Variants in ITPR2 observed in about 807,000 individuals in gnomAD.
ITPR2 encodes the protein inositol 1,4,5-trisphosphate-gated calcium channel ITPR2.
A neutral mutation model predicts 317.1 loss-of-function variants in ITPR2; 207 were observed. The observed-to-expected ratio is 0.65, with a 90% CI of 0.58 to 0.73. The LOEUF (loss-of-function observed/expected upper bound fraction) is 0.73, where lower values mean the gene tolerates loss of function less well. Among genes scored for constraint, ITPR2 ranks in the 30% least tolerant of loss-of-function variants. The probability of loss-of-function intolerance (pLI) is 0.00; values close to 1 mark genes in which losing one functional copy is unlikely to be tolerated. For synonymous variants in ITPR2, 1,156 were observed against 1,149.1 expected (o/e 1.01, Z -0.12); for missense variants, 2,613 against 3,284.0 (o/e 0.80, Z 4.99).
intron 1 of ITPR2, among the ~76,000 whole-genome samples, chr12:26,830,690 G>T (rs962518976): frequency 1.3e-5 from 2 of 152,180 alleles, no homozygotes; most frequent in African/African-American, 4.8e-5. Flanking sequence ...GCATACATTT[G>T]CTGAATTAGA....
chr12:26,687,385 A>C (rs1948147462), intron 10 of ITPR2, among the ~76,000 whole-genome samples: 1 of 152,192 alleles, frequency 6.6e-6, no homozygotes, highest in Non-Finnish European at 1.5e-5. Context: ...ATAGTGACTT[A>C]CACATATTTA....
At chr12:26,541,212 G>A (rs1229542573) in intron 37 of ITPR2, among the ~76,000 whole-genome samples, 1 of 151,488 alleles carries the variant, frequency 6.6e-6, no homozygotes, top group African/African-American at 2.4e-5. Flanking sequence ...AGCTACTCGG[G>A]AGGCTGAGAC....
intron 8 of ITPR2, among the ~76,000 whole-genome samples, chr12:26,713,210 G>A (rs1438273614): frequency 6.6e-6 from 1 of 152,156 alleles, no homozygotes; most frequent in Non-Finnish European, 1.5e-5. Flanking sequence ...ATTCAGATAA[G>A]CCCATGTCCC....
chr12:26,604,541 C>T (rs571493881), intron 26 of ITPR2, among the ~76,000 whole-genome samples: 1 of 152,302 alleles, frequency 6.6e-6, no homozygotes, highest in South Asian at 2.1e-4. Flanking sequence ...TTTAATGACT[C>T]TTTCTCATCT....
intron 1 of ITPR2, among the ~76,000 whole-genome samples, chr12:26,805,450 A>T (rs1950625091): frequency 6.6e-6 from 1 of 152,208 alleles, no homozygotes; most frequent in African/African-American, 2.4e-5. Context: ...CATCATCATT[A>T]TTTATTACTG....
At chr12:26,474,872 C>T (rs1942380969) in intron 45 of ITPR2, among the ~76,000 whole-genome samples, 1 of 150,624 alleles carries the variant, frequency 6.6e-6, no homozygotes, top group East Asian at 1.9e-4. Context: ...ATGGCTTCTA[C>T]AGAAAGCATG....
Position 26,681,996 on chromosome 12 carries a change from G to A in ITPR2, c.1287C>T (p.Phe429=), listed in dbSNP as rs372220989. The A allele has an allele frequency of 2.4e-5, 38 of 1,613,490 alleles. No individual in the cohort carries two copies. Among genetic ancestry groups the A allele is most frequent in the African/African-American group, 6.7e-5 (5 of 75,010 alleles). ...TCQTKEDKEA[F]AIVSVPLSEV... is the part of the protein sequence containing the mutation. Reference sequence around the variant, plus strand: ...CAGACAGTGGAACAGACACGATTGCGAACGCTTCTTTATCTTCTTTGGTTT... The same window carrying A: ...CAGACAGTGGAACAGACACGATTGCAAACGCTTCTTTATCTTCTTTGGTTT... The change falls in exon 13 of 57, where the codon TTC becomes TTT. Residue 429 remains phenylalanine (F), a synonymous_variant. Coordinates refer to ENST00000381340, the MANE Select transcript of ITPR2 (RefSeq NM_002223.4).
At chr12:26,493,026 T>A (rs527575025) in intron 39 of ITPR2, among the ~76,000 whole-genome samples, 2 of 152,144 alleles carry the variant, frequency 1.3e-5, no homozygotes, top group African/African-American at 4.8e-5. Flanking sequence ...AAGTCCCAAC[T>A]GAATACCTGG....
At chr12:26,470,301 A>T (rs1357533652) in intron 45 of ITPR2, among the ~76,000 whole-genome samples, 2 of 152,224 alleles carry the variant, frequency 1.3e-5, no homozygotes, top group East Asian at 1.9e-4. Flanking sequence ...ATATAATTAG[A>T]TACAAAAACT....
Position 26,686,480 on chromosome 12 carries a change from C to T in ITPR2, c.1148+1G>A. On this transcript the variant is annotated splice_donor_variant, in intron 11 of 56. Transcript: ENST00000381340. LOFTEE classifies it high-confidence loss of function. The stretch of plus-strand genomic sequence containing the variant: ...CATCTTTTAACCATAATTTTTTTTA[C>T]CTTGGAACCAGGCAGTCAGCTCTCT... 1.3e-6 allele frequency: 2 copies of T among 1,556,544 alleles called. No individual in the cohort carries two copies. Among genetic ancestry groups the T allele is most frequent in the East Asian group, 2.3e-5 (1 of 42,758 alleles).
chr12:26,595,715 T>C (rs545320300), intron 31 of ITPR2, 125 bp from the exon 32 acceptor site: 1 of 774,878 alleles, frequency 1.3e-6, no homozygotes, highest in East Asian at 3.0e-5. Flanking sequence ...GTTTTGTCTA[T>C]CCAGAAAGTA....
chr12:26,762,992 A>G (rs1037001157), intron 2 of ITPR2, among the ~76,000 whole-genome samples: 64 of 152,260 alleles, frequency 4.2e-4, no homozygotes, highest in African/African-American at 1.4e-3. Context: ...AAGACATTTT[A>G]GGTTACAGAG....
chr12:26,768,078 T>C (rs1271531723), intron 2 of ITPR2, among the ~76,000 whole-genome samples: 1 of 152,204 alleles, frequency 6.6e-6, no homozygotes, highest in Non-Finnish European at 1.5e-5. Flanking sequence ...TCTACTGCTT[T>C]TAACATGTGC....
intron 26 of ITPR2, among the ~76,000 whole-genome samples, chr12:26,607,820 C>G (rs530594967): frequency 1.4e-3 from 213 of 152,294 alleles, no homozygotes; most frequent in African/African-American, 4.9e-3. Flanking sequence ...GTGGCTCACA[C>G]CCGTAATCCC....
At chr12:26,712,665 AC>A (rs550558647) in intron 8 of ITPR2, among the ~76,000 whole-genome samples, 2 of 115,184 alleles carry the variant, frequency 1.7e-5, no homozygotes, top group African/African-American at 5.6e-5. Flanking sequence ...ACACACACAC[AC>A]ACACACACAA....
chr12:26,572,411 G>A (rs754935515), intron 34 of ITPR2, among the ~76,000 whole-genome samples: 8 of 152,180 alleles, frequency 5.3e-5, no homozygotes, highest in Non-Finnish European at 8.8e-5. Context: ...TTGGCACGAT[G>A]TTTTTTAACC....
At chr12:26,660,050 A>G (rs1162266553) in intron 15 of ITPR2, among the ~76,000 whole-genome samples, 1 of 152,248 alleles carries the variant, frequency 6.6e-6, no homozygotes, top group Admixed American at 6.5e-5. Flanking sequence ...GGGAATGAAG[A>G]GAACGAGGCA....
At chr12:26,512,873 A>G (rs1005634119) in intron 37 of ITPR2, among the ~76,000 whole-genome samples, 5 of 148,338 alleles carry the variant, frequency 3.4e-5, no homozygotes, top group African/African-American at 1.3e-4. Context: ...CCCAGGCTAG[A>G]GTGCAGTGGC....
chr12:26,824,962 T>G (rs1217940142), intron 1 of ITPR2, among the ~76,000 whole-genome samples: 2 of 152,218 alleles, frequency 1.3e-5, no homozygotes, highest in Non-Finnish European at 2.9e-5. Flanking sequence ...CTGGGCGCAG[T>G]GGCTCACACC....
Sources: allele counts gnomAD v4.1 joint callset (sites outside exome capture counted in the v4.1 genomes callset), GRCh38; gene constraint gnomAD v4.1.1; transcripts MANE v1.5; gene names NCBI Gene and HGNC (gene_info 2026-07-23, HGNC 2026-07-21).